The following ADGRL3 variants were observed in gnomAD, a reference collection of about 807,000 sequenced individuals.
ADGRL3 encodes the protein calcium-independent alpha-latrotoxin receptor 3.
ADGRL3 carries 62 observed loss-of-function variants against 153.5 expected under a neutral mutation model. The observed-to-expected ratio is 0.40, with a 90% CI of 0.33 to 0.50. The LOEUF (loss-of-function observed/expected upper bound fraction) is 0.50, where lower values mean the gene tolerates loss of function less well. ADGRL3 is among the 20% of genes least tolerant of loss of function. The pLI, the probability that ADGRL3 is intolerant of heterozygous loss-of-function variation, is 0.47. For missense variants in ADGRL3, 1,641 were observed against 1,859.4 expected, an observed-to-expected ratio of 0.88 and a Z score of 2.16; for synonymous variants, 710 against 672.5, an observed-to-expected ratio of 1.06 and a Z score of -0.86.
chr4:61,880,394 T>G (rs1056953605), intron 9 of ADGRL3, among the ~76,000 whole-genome samples: 2 of 152,216 alleles, frequency 1.3e-5, no homozygotes, highest in Non-Finnish European at 2.9e-5. Flanking sequence ...AAGTTAAAAT[T>G]TAAAACTTGT....
intron 6 of ADGRL3, among the ~76,000 whole-genome samples, chr4:61,718,202 A>G (rs1267875943): frequency 6.6e-6 from 1 of 152,194 alleles, no homozygotes; most frequent in Non-Finnish European, 1.5e-5. Context: ...TTATAATCAG[A>G]AAGTATTCAC....
chr4:61,611,193 C>G (rs368955045), intron 5 of ADGRL3, among the ~76,000 whole-genome samples: 3 of 152,074 alleles, frequency 2.0e-5, no homozygotes. Flanking sequence ...CTCAGGAGTC[C>G]CCTGCATCCA....
At chr4:61,483,476 G>A (rs1426058045) in intron 2 of ADGRL3, among the ~76,000 whole-genome samples, 10 of 152,122 alleles carry the variant, frequency 6.6e-5, no homozygotes, top group African/African-American at 1.7e-4. Context: ...AGTGGCTCAC[G>A]CCTGTAAATC....
rs778553165 is a variant in ADGRL3, at chr4:61,892,709, C to T, written c.1534C>T (p.Leu512Phe). 1.9e-6 allele frequency: 3 copies of T among 1,613,838 alleles called. No individual in the cohort carries two copies. The change falls in exon 10 of 27, where the codon CTT becomes TTT. Residue 512 changes from leucine to phenylalanine, a missense_variant. Transcript: ENST00000683033. ...GGGAAGCACTACCACCAGTACCACC[C>T]TTCGGACCACAACTTTGAGCCCAGG... The part of the protein sequence containing the change: ...GMGSTTTSTT[L>F]RTTTLSPGRS...
At chr4:61,834,509 G>A (rs1237644329) in intron 9 of ADGRL3, among the ~76,000 whole-genome samples, 1 of 152,120 alleles carries the variant, frequency 6.6e-6, no homozygotes, top group Non-Finnish European at 1.5e-5. Context: ...GGTATTTCTA[G>A]TTCAAGATCC....
At chr4:61,747,429 T>C (rs1175329838) in intron 8 of ADGRL3, among the ~76,000 whole-genome samples, 16 of 151,842 alleles carry the variant, frequency 1.1e-4, no homozygotes, top group East Asian at 1.9e-4. Context: ...GACCAATATC[T>C]TTGATGAACA....
Position 61,431,370 on chromosome 4 carries a change from C to A in ADGRL3, c.-174+48181C>A, listed in dbSNP as rs2097353670. Among the ~76,000 whole-genome samples the A allele has an allele frequency of 2.0e-5, 3 of 152,160 alleles. No homozygotes were observed. In the South Asian group the frequency reaches 6.2e-4, roughly 32 times the overall value. On this transcript the variant is annotated intron_variant, in intron 2 of 26. Transcript: ENST00000683033. ...TTGGATAGCAGGTGCTTCTTCAAGC[C>A]TTTGTCAGGGGAAATGGTTGTCTTT... is the stretch of plus-strand genomic sequence containing the variant.
intron 4 of ADGRL3, among the ~76,000 whole-genome samples, chr4:61,544,544 GACGTA>G (rs1259933686): frequency 6.6e-6 from 1 of 151,986 alleles, no homozygotes; most frequent in Non-Finnish European, 1.5e-5. Flanking sequence ...CTTTCATTGA[GACGTA>G]ATCAGAAAAT....
At chr4:61,848,273 C>A (rs2098161272) in intron 9 of ADGRL3, among the ~76,000 whole-genome samples, 1 of 149,814 alleles carries the variant, frequency 6.7e-6, no homozygotes, top group Non-Finnish European at 1.5e-5. Flanking sequence ...CCTTTTACAG[C>A]ACTGAAGGCT....
intron 8 of ADGRL3, among the ~76,000 whole-genome samples, chr4:61,752,278 C>G (rs2096766741): frequency 6.6e-6 from 1 of 152,068 alleles, no homozygotes; most frequent in Non-Finnish European, 1.5e-5. Flanking sequence ...TAAAGACCCC[C>G]AAAGTGATTA....
At chr4:61,537,970 G>T (rs911433551) in intron 4 of ADGRL3, among the ~76,000 whole-genome samples, 1 of 151,844 alleles carries the variant, frequency 6.6e-6, no homozygotes, top group Non-Finnish European at 1.5e-5. Flanking sequence ...TGTCATTTCA[G>T]AATTTTCATT....
In ADGRL3 at chr4:61,265,535, T is replaced by C. The variant is rs565153995; in HGVS notation, c.-240+63770T>C. 4.6e-5 allele frequency among the ~76,000 whole-genome samples: 7 copies of C among 152,004 alleles called. 1 individual carries two copies. The South Asian group carries it at 1.4e-3, about 31-fold the overall frequency. On this transcript the variant is annotated intron_variant, in intron 1 of 26. Transcript: ENST00000683033. ...AATGTGCTGGGAATACCTTATATTCTAAGCAACCTCCAATTTCTGTGAGCT... is the reference window on the plus strand; with the variant it reads ...AATGTGCTGGGAATACCTTATATTCCAAGCAACCTCCAATTTCTGTGAGCT...
At chr4:61,636,345 T>A (rs1328763032) in intron 5 of ADGRL3, among the ~76,000 whole-genome samples, 1 of 152,090 alleles carries the variant, frequency 6.6e-6, no homozygotes, top group African/African-American at 2.4e-5. Context: ...CAGTAAAGGA[T>A]TTTAAAATTC....
At chr4:61,251,690 G>A (rs1759320137) in intron 1 of ADGRL3, among the ~76,000 whole-genome samples, 1 of 151,776 alleles carries the variant, frequency 6.6e-6, no homozygotes, top group Non-Finnish European at 1.5e-5. Context: ...AGCAGTTTCA[G>A]GTTTCCATCA....
chr4:61,270,586 C>T (rs998986675), intron 1 of ADGRL3, among the ~76,000 whole-genome samples: 5 of 151,524 alleles, frequency 3.3e-5, no homozygotes, highest in Admixed American at 6.6e-5. Flanking sequence ...TATAACATAG[C>T]GATACATTAG....
intron 1 of ADGRL3, among the ~76,000 whole-genome samples, chr4:61,330,578 T>A (rs894522034): frequency 1.3e-5 from 2 of 152,126 alleles, no homozygotes; most frequent in African/African-American, 4.8e-5. Flanking sequence ...TGGTTCCTTC[T>A]GGTGGGTTCT....
rs1747649543 is a variant in ADGRL3 at position 62,077,875 on chromosome 4, A to G, written c.*6967A>G. On this transcript the variant is annotated 3_prime_UTR_variant, in exon 27 of 27. Coordinates refer to ENST00000683033, the MANE Select transcript of ADGRL3 (RefSeq NM_001387552.1). ...TTTATAAAGTATCACTGGTTTGTAT[A>G]TTTTAATGCTGACCTTTGCCTGTGA... 2.0e-5 allele frequency: 3 copies of G among 152,116 alleles called. No individual in the cohort carries two copies. Among genetic ancestry groups the G allele is most frequent in the South Asian group, 2.1e-4 (1 of 4,832 alleles). The allele number at this position is 152,116 out of a possible 1,614,324, so 9.4% of individuals were successfully genotyped here.
At chr4:61,373,184 G>A (rs577251416) in intron 1 of ADGRL3, among the ~76,000 whole-genome samples, 10 of 152,248 alleles carry the variant, frequency 6.6e-5, no homozygotes, top group South Asian at 4.1e-4. Flanking sequence ...GAAATCACCC[G>A]TCTTCGTCGC....
intron 4 of ADGRL3, among the ~76,000 whole-genome samples, chr4:61,586,442 G>T (rs945681600): frequency 1.3e-5 from 2 of 151,980 alleles, no homozygotes; most frequent in Admixed American, 1.3e-4. Flanking sequence ...GATATGGAAA[G>T]ATTTCCATCA....
Sources: allele counts gnomAD v4.1 joint callset (sites outside exome capture counted in the v4.1 genomes callset), GRCh38; gene constraint gnomAD v4.1.1; transcripts MANE v1.5; gene names NCBI Gene and HGNC (gene_info 2026-07-23, HGNC 2026-07-21).